The following ESRRB variants were observed in gnomAD, a reference collection of about 807,000 sequenced individuals.
ESRRB encodes steroid hormone receptor ERR2.
A neutral mutation model predicts 46.0 loss-of-function variants in ESRRB; 16 were observed. The observed-to-expected ratio is 0.35, with a 90% confidence interval of 0.24 to 0.53. The LOEUF (loss-of-function observed/expected upper bound fraction) is 0.53. Ranked by LOEUF, ESRRB falls within the 20% of genes least tolerant of loss-of-function variation. The probability of loss-of-function intolerance (pLI) is 0.93; values close to 1 mark genes in which losing one functional copy is unlikely to be tolerated. For synonymous variants in ESRRB, 246 were observed against 259.6 expected, an observed-to-expected ratio of 0.95 and a Z score of 0.50; for missense variants, 488 against 607.4, an observed-to-expected ratio of 0.80 and a Z score of 2.07.
chr14:76,410,149 A>G (rs1218114474), intron 1 of ESRRB, among the ~76,000 whole-genome samples: 2 of 152,166 alleles, frequency 1.3e-5, no homozygotes, highest in African/African-American at 2.4e-5. Context: ...ACTTGAATCC[A>G]AGAGGTGGAG....
At chr14:76,468,993 C>T (rs771872402) in intron 3 of ESRRB, among the ~76,000 whole-genome samples, 6 of 152,186 alleles carry the variant, frequency 3.9e-5, no homozygotes, top group Non-Finnish European at 8.8e-5. Flanking sequence ...CTGCCTTCTT[C>T]TTGGTAGAAT....
chr14:76,429,426 G>A (rs1887338249), intron 1 of ESRRB, among the ~76,000 whole-genome samples: 2 of 152,144 alleles, frequency 1.3e-5, no homozygotes, highest in Admixed American at 1.3e-4. Context: ...TCACACAGGA[G>A]TGATTAAAAA....
intron 1 of ESRRB, among the ~76,000 whole-genome samples, chr14:76,339,738 C>A (rs1157271218): frequency 1.3e-5 from 2 of 152,222 alleles, no homozygotes; most frequent in Non-Finnish European, 2.9e-5. Context: ...CCCACACTCA[C>A]AAGCCCGGGG....
intron 1 of ESRRB, among the ~76,000 whole-genome samples, chr14:76,322,928 G>T (rs1319694646): frequency 6.6e-6 from 1 of 152,122 alleles, no homozygotes; most frequent in African/African-American, 2.4e-5. Context: ...TCACTGTTTG[G>T]GACAAAGTGT....
Position 76,324,963 on chromosome 14 carries a change from C to CTTTTTTTTTTTTTTTTTTTTTTT in ESRRB, c.2+14068_2+14069insTTTTTTTTTTTTTTTTTTTTTTT, listed in dbSNP as rs34780208. On this transcript the variant is annotated intron_variant, in intron 1 of 6. Coordinates refer to the ESRRB transcript ENST00000512784. ...GGCACTTTCTTTTCTTTTTCTTTTT[C>CTTTTTTTTTTTTTTTTTTTTTTT]TTTTTTTTTTTTTTTTTTTTTGAGA... Among the ~76,000 whole-genome samples the CTTTTTTTTTTTTTTTTTTTTTTT allele has an allele frequency of 2.9e-5, 3 of 102,210 alleles. 1 individual carries two copies. Among genetic ancestry groups the CTTTTTTTTTTTTTTTTTTTTTTT allele is most frequent in the Non-Finnish European group, 4.0e-5 (2 of 50,236 alleles). 67.1% of individuals were successfully genotyped at this position (102,210 alleles called of 152,430 possible).
intron 3 of ESRRB, among the ~76,000 whole-genome samples, chr14:76,472,176 G>C (rs1275843929): frequency 6.6e-6 from 1 of 152,184 alleles, no homozygotes; most frequent in Non-Finnish European, 1.5e-5. Flanking sequence ...GGGGAAAAAA[G>C]AAAGGAACGG....
intron 1 of ESRRB, among the ~76,000 whole-genome samples, chr14:76,431,417 G>C (rs1014832881): frequency 3.3e-5 from 5 of 152,224 alleles, no homozygotes; most frequent in African/African-American, 1.2e-4. Context: ...GAACTTTTGA[G>C]ATTCCCCTGC....
At chr14:76,483,791 G>A (rs1889899320) in intron 5 of ESRRB, among the ~76,000 whole-genome samples, 1 of 152,206 alleles carries the variant, frequency 6.6e-6, no homozygotes, top group Admixed American at 6.5e-5. Flanking sequence ...GGCTCTGAAA[G>A]GTGATTACAG....
In ESRRB at chr14:76,334,999, T is replaced by C. The variant is rs150802041; in HGVS notation, c.2+24083T>C. 2.0e-5 allele frequency among the ~76,000 whole-genome samples: 3 copies of C among 152,272 alleles called. No homozygotes were observed. In the East Asian group the frequency reaches 5.8e-4, roughly 29 times the overall value. On this transcript the variant is annotated intron_variant, in intron 1 of 6. Coordinates refer to the ESRRB transcript ENST00000512784. The stretch of plus-strand genomic sequence containing the variant: ...GACTCTATCAGGCATGTGGGTGTAT[T>C]CCTGAACCAGCCTTCTGGGCCGGCC...
At chr14:76,407,454 T>A in intron 1 of ESRRB, 1 of 826,692 alleles carries the variant, frequency 1.2e-6, no homozygotes, top group Non-Finnish European at 1.5e-6. Flanking sequence ...GCCACCAGGC[T>A]AAATCCTCTG....
rs574148639 is a variant in ESRRB at position 76,363,366 on chromosome 14, C to T, written c.2+52450C>T. ...GCTGCCCATTTGGACCTGCTCCAAC[C>T]AAGCAAATTGGTCCTCATGGGGAAA... On this transcript the variant is annotated intron_variant, in intron 1 of 6. Transcript: ENST00000512784. 3.2e-4 allele frequency among the ~76,000 whole-genome samples: 49 copies of T among 152,202 alleles called. 1 individual carries two copies. Among genetic ancestry groups the T allele is most frequent in the Non-Finnish European group, 6.6e-4 (45 of 68,042 alleles).
chr14:76,334,454 G>A (rs1184540204), intron 1 of ESRRB, among the ~76,000 whole-genome samples: 2 of 152,306 alleles, frequency 1.3e-5, no homozygotes, highest in South Asian at 2.1e-4. Flanking sequence ...TTGCAGCCTC[G>A]CGCTCACAGC....
chr14:76,393,272 T>C (rs1007741802), intron 1 of ESRRB, among the ~76,000 whole-genome samples: 28 of 152,178 alleles, frequency 1.8e-4, no homozygotes, highest in African/African-American at 6.0e-4. Context: ...TAGAGACCTA[T>C]TGCCTGGAGA....
chr14:76,430,625 C>T (rs1887398261), intron 1 of ESRRB, among the ~76,000 whole-genome samples: 1 of 152,210 alleles, frequency 6.6e-6, no homozygotes, highest in African/African-American at 2.4e-5. Flanking sequence ...TTGGCTCTTG[C>T]TCAACTCTGT....
At chr14:76,363,628 A>G (rs1234297447) in intron 1 of ESRRB, among the ~76,000 whole-genome samples, 7 of 152,214 alleles carry the variant, frequency 4.6e-5, no homozygotes, top group Admixed American at 2.0e-4. Context: ...ACGTCTTTCT[A>G]AATACATGGA....
intron 1 of ESRRB, among the ~76,000 whole-genome samples, chr14:76,334,427 C>T (rs1884101809): frequency 6.6e-6 from 1 of 152,222 alleles, no homozygotes; most frequent in South Asian, 2.1e-4. Flanking sequence ...CCTCATCTTG[C>T]TCTGACTCCA....
chr14:76,463,691 C>A (rs921042972), intron 3 of ESRRB, among the ~76,000 whole-genome samples: 4 of 151,924 alleles, frequency 2.6e-5, no homozygotes, highest in African/African-American at 9.7e-5. Context: ...TCGTGATCTG[C>A]CCGTCTCAGC....
At chr14:76,350,362 G>A (rs1383877395) in intron 1 of ESRRB, among the ~76,000 whole-genome samples, 3 of 152,188 alleles carry the variant, frequency 2.0e-5, no homozygotes, top group Non-Finnish European at 4.4e-5. Flanking sequence ...CCTTGCCCTC[G>A]AGAAGTTTGC....
At chr14:76,465,494 C>G (rs1218665035) in intron 3 of ESRRB, among the ~76,000 whole-genome samples, 1 of 152,164 alleles carries the variant, frequency 6.6e-6, no homozygotes, top group Non-Finnish European at 1.5e-5. Flanking sequence ...GACATCCAGA[C>G]TGGCACTTGT....
Sources: allele counts gnomAD v4.1 joint callset (sites outside exome capture counted in the v4.1 genomes callset), GRCh38; gene constraint gnomAD v4.1.1; transcripts MANE v1.5; gene names NCBI Gene and HGNC (gene_info 2026-07-23, HGNC 2026-07-21).